FAM53A: variants seen among roughly 807,000 people sequenced by gnomAD.
FAM53A encodes protein FAM53A.
FAM53A carries 28 observed loss-of-function variants against 26.6 expected under a neutral mutation model. The observed-to-expected ratio is 1.05, with a 90% CI of 0.78 to 1.45. The LOEUF is 1.45. FAM53A is among the 40% of genes most tolerant of loss of function. The probability of loss-of-function intolerance (pLI) is 0.00; values close to 1 mark genes in which losing one functional copy is unlikely to be tolerated. For missense variants in FAM53A, 650 were observed against 575.8 expected (o/e 1.13, Z -1.32); for synonymous variants, 290 against 253.1 (o/e 1.15, Z -1.38).
At chr4:1,645,353 T>TGA (rs1474223738) in intron 4 of FAM53A, among the ~76,000 whole-genome samples, 7 of 152,190 alleles carry the variant, frequency 4.6e-5, no homozygotes, top group African/African-American at 1.4e-4. Flanking sequence ...TTGCCTCTGG[T>TGA]GAGCGCCCTC....
chr4:1,676,658 C>G (rs1421822262), intron 1 of FAM53A, among the ~76,000 whole-genome samples: 1 of 152,130 alleles, frequency 6.6e-6, no homozygotes, highest in Non-Finnish European at 1.5e-5. Flanking sequence ...CTTACTACAC[C>G]CATGCACACA....
At chr4:1,674,966 C>G (rs1280138659) in intron 1 of FAM53A, among the ~76,000 whole-genome samples, 2 of 152,210 alleles carry the variant, frequency 1.3e-5, no homozygotes, top group East Asian at 3.8e-4. Context: ...CCTGCCGGAG[C>G]TGGGAAAGCC....
At chr4:1,598,727 C>T in the FAM53A span, among the ~76,000 whole-genome samples, 1 of 152,206 alleles carries the variant, frequency 6.6e-6, no homozygotes, top group Non-Finnish European at 1.5e-5. Context: ...AATTCCCCGA[C>T]ACCTTTTAGT....
At chr4:1,667,814 C>G (rs1179932884) in intron 2 of FAM53A, among the ~76,000 whole-genome samples, 1 of 152,220 alleles carries the variant, frequency 6.6e-6, no homozygotes, top group African/African-American at 2.4e-5. Context: ...CTCTGAGGGC[C>G]TGGCAAGACC....
chr4:1,584,284 T>A, the FAM53A span, among the ~76,000 whole-genome samples: 1 of 152,246 alleles, frequency 6.6e-6, no homozygotes, highest in Non-Finnish European at 1.5e-5. Context: ...CCACAGCATT[T>A]TCTCCTATGA....
chr4:1,600,651 CTTTTCT>C, the FAM53A span, among the ~76,000 whole-genome samples: 3 of 152,220 alleles, frequency 2.0e-5, no homozygotes, highest in African/African-American at 4.8e-5. Context: ...CTGACCACTT[CTTTTCT>C]TTTTCTTTTT....
At chr4:1,620,077 G>A (rs190806317) in intron 1 of FAM53A, among the ~76,000 whole-genome samples, 5 of 152,062 alleles carry the variant, frequency 3.3e-5, no homozygotes, top group Admixed American at 6.5e-5. Context: ...GCGTGGTGGC[G>A]GGCAGCTGTA....
At chr4:1,643,257 G>C (rs1028716271) in intron 4 of FAM53A, among the ~76,000 whole-genome samples, 4 of 152,096 alleles carry the variant, frequency 2.6e-5, no homozygotes, top group Non-Finnish European at 5.9e-5. Flanking sequence ...ACGAGGTCAG[G>C]AGATCAAGAC....
chr4:1,670,900 G>A, intron 1 of FAM53A, among the ~76,000 whole-genome samples: 1 of 152,058 alleles, frequency 6.6e-6, no homozygotes, highest in African/African-American at 2.4e-5. Flanking sequence ...CCCAGCGTCA[G>A]AGCCCCCAGC....
intron 4 of FAM53A, chr4:1,644,201 GGTTTCCTTCCATTTCAAACCACGGC>G: frequency 1.3e-6 from 2 of 1,535,976 alleles, no homozygotes; most frequent in Non-Finnish European, 1.7e-6. Flanking sequence ...TCAGGGGCCA[GGTTTCCTTCCATTTCAAACCACGGC>G]GTTTTGTTTT....
At chr4:1,625,369 C>T (rs111892423) in intron 1 of FAM53A, among the ~76,000 whole-genome samples, 1 of 43,496 alleles carries the variant, frequency 2.3e-5, no homozygotes, top group Non-Finnish European at 4.0e-5. Context: ...TCCCGGCCCA[C>T]GTGGTCAGGG....
intron 1 of FAM53A, among the ~76,000 whole-genome samples, chr4:1,618,467 T>C (rs1013105641): frequency 1.3e-5 from 2 of 152,158 alleles, no homozygotes; most frequent in Non-Finnish European, 2.9e-5. Flanking sequence ...CAGGGCCCCC[T>C]TCAGACAGCC....
At chr4:1,590,835 A>G in the FAM53A span, among the ~76,000 whole-genome samples, 1 of 151,360 alleles carries the variant, frequency 6.6e-6, no homozygotes, top group South Asian at 2.1e-4. Context: ...TGTATATTTA[A>G]TCTATTGTTT....
At chr4:1,600,962 G>A in the FAM53A span, among the ~76,000 whole-genome samples, 3 of 152,158 alleles carry the variant, frequency 2.0e-5, no homozygotes, top group East Asian at 5.8e-4. Context: ...CTGCCCCAGG[G>A]CCCAGCCCTG....
At position 1,627,783 on chromosome 4, in the gene FAM53A, C is replaced by T. The variant is rs1577087290; in HGVS notation, c.432-9672G>A. ...TCTGGCATGTGTCCCAGCAGCAGCC[C>T]CACCTGGGGGTCTCCACTCAGCAGG... On this transcript the variant is annotated intron_variant, in intron 1 of 1. Transcript: ENST00000489029. Among the ~76,000 whole-genome samples the T allele has an allele frequency of 2.0e-5, 3 of 152,126 alleles. No individual in the cohort carries two copies. In the South Asian group the frequency reaches 6.2e-4, roughly 32 times the overall value.
chr4:1,637,397 G>C (rs1245261513), downstream of FAM53A, among the ~76,000 whole-genome samples: 2 of 152,196 alleles, frequency 1.3e-5, no homozygotes, highest in Non-Finnish European at 1.5e-5. Flanking sequence ...TGGAGGGAAC[G>C]GTTGGGGGTG....
chr4:1,632,668 C>T (rs1331649041), intron 1 of FAM53A, among the ~76,000 whole-genome samples: 1 of 152,250 alleles, frequency 6.6e-6, no homozygotes, highest in East Asian at 1.9e-4. Flanking sequence ...ACTCAGCAGC[C>T]GTCTGAAGCC....
At chr4:1,674,438 G>C (rs915093084) in intron 1 of FAM53A, among the ~76,000 whole-genome samples, 1 of 152,218 alleles carries the variant, frequency 6.6e-6, no homozygotes, top group African/African-American at 2.4e-5. Context: ...AGGAGGCCGA[G>C]GCAGGCAAAT....
intron 1 of FAM53A, among the ~76,000 whole-genome samples, chr4:1,621,372 G>C (rs1715028456): frequency 1.3e-5 from 2 of 152,196 alleles, no homozygotes; most frequent in African/African-American, 4.8e-5. Context: ...CCAAAGTGCT[G>C]GGATTACAGG....
Sources: gnomAD v4.1 joint callset for allele counts (sites outside exome capture counted in the v4.1 genomes callset) on GRCh38, gnomAD v4.1.1 for gene constraint, MANE v1.5 for transcripts, NCBI Gene and HGNC (gene_info 2026-07-23, HGNC 2026-07-21) for gene names.